The following CCDC171 variants were observed in gnomAD, a reference collection of about 807,000 sequenced individuals.
CCDC171 encodes coiled-coil domain containing 171, also known as coiled-coil domain-containing protein 171.
In CCDC171, 177 loss-of-function variants were observed where a neutral mutation model predicts 168.2. The ratio of observed to expected loss-of-function variants is 1.05; its 90% CI spans 0.93 to 1.19. CCDC171 has a LOEUF of 1.19. Ranked by LOEUF, CCDC171 falls within the 50% of genes most tolerant of loss-of-function variation. CCDC171 has a pLI of 0.00. For missense variants in CCDC171, 1,991 were observed against 1,539.0 expected (o/e 1.29, Z -4.91); for synonymous variants, 687 against 540.8 (o/e 1.27, Z -3.75).
chr9:15,926,384 T>C (rs748354996), intron 25 of CCDC171, among the ~76,000 whole-genome samples: 1 of 151,690 alleles, frequency 6.6e-6, no homozygotes, highest in African/African-American at 2.4e-5. Flanking sequence ...CTGCTTGCAA[T>C]AGTCATTCCA....
At chr9:15,598,932 T>A (rs1052410897) in intron 6 of CCDC171, among the ~76,000 whole-genome samples, 1 of 152,182 alleles carries the variant, frequency 6.6e-6, no homozygotes, top group Non-Finnish European at 1.5e-5. Flanking sequence ...TTGATCTTTG[T>A]TGGCTTAAAG....
rs548066259 is a variant in CCDC171 at position 15,639,641 on chromosome 9, TC to T, written c.822+16231del. On this transcript the variant is annotated intron_variant, in intron 7 of 25. Transcript: ENST00000380701. The stretch of plus-strand genomic sequence containing the variant: ...ATTGTCAGCCTATTGTCCTCATATA[TC>T]CCTTCTGAAACCGTTAAGGCTCTGT... Among the ~76,000 whole-genome samples the T allele has an allele frequency of 4.6e-5, 7 of 152,148 alleles. No homozygotes were observed. The South Asian group carries it at 1.4e-3, about 32-fold the overall frequency.
At chr9:16,021,948 G>A (rs1220050986) in intron 4 of CCDC171, among the ~76,000 whole-genome samples, 1 of 152,172 alleles carries the variant, frequency 6.6e-6, no homozygotes, top group Admixed American at 6.5e-5. Context: ...CCACTGTAAC[G>A]CAGGGGTTGT....
chr9:16,068,970 C>T, the CCDC171 span, among the ~76,000 whole-genome samples: 1 of 152,164 alleles, frequency 6.6e-6, no homozygotes, highest in Non-Finnish European at 1.5e-5. Context: ...TAACACCCTA[C>T]AGCCTGATTC....
At chr9:15,768,976 C>G (rs2056874020) in intron 18 of CCDC171, among the ~76,000 whole-genome samples, 1 of 152,202 alleles carries the variant, frequency 6.6e-6, no homozygotes, top group Admixed American at 6.5e-5. Flanking sequence ...TGTACAGTCT[C>G]ACCTCCCAAT....
chr9:15,645,992 A>C (rs1325452568), intron 7 of CCDC171, among the ~76,000 whole-genome samples: 1 of 152,216 alleles, frequency 6.6e-6, no homozygotes, highest in Non-Finnish European at 1.5e-5. Flanking sequence ...AAGGGCAACC[A>C]GAGAGAAAGG....
chr9:15,597,790 T>C (rs2042492483), intron 6 of CCDC171, among the ~76,000 whole-genome samples: 1 of 152,170 alleles, frequency 6.6e-6, no homozygotes, highest in Non-Finnish European at 1.5e-5. Flanking sequence ...TTTTTTTGGT[T>C]GGTAAGCTAT....
intron 14 of CCDC171, among the ~76,000 whole-genome samples, chr9:15,726,241 A>AGCAT (rs1379386968): frequency 6.6e-6 from 1 of 152,222 alleles, no homozygotes; most frequent in African/African-American, 2.4e-5. Context: ...TTGTAAAGTC[A>AGCAT]GCATGTCTAC....
rs1467204121 is a variant in CCDC171 at position 16,031,746 on chromosome 9, T to A, written n.999-3711T>A. Among the ~76,000 whole-genome samples the A allele has an allele frequency of 3.9e-5, 6 of 152,140 alleles. No individual in the cohort carries two copies. In the East Asian group the frequency reaches 1.2e-3, roughly 29 times the overall value. On this transcript the variant is annotated intron_variant and non_coding_transcript_variant, in intron 6 of 9. Coordinates refer to the CCDC171 transcript ENST00000486641. ...CCACTTCCTGAGGGGTCGATAGGAT[T>A]CCCTGGCTGCCAAACAGGGCCATTT... is the stretch of plus-strand genomic sequence containing the variant.
At chr9:15,778,082 G>C (rs1226864694) in intron 19 of CCDC171, among the ~76,000 whole-genome samples, 1 of 150,562 alleles carries the variant, frequency 6.6e-6, no homozygotes, top group African/African-American at 2.4e-5. Context: ...TGGATCATGA[G>C]GTCAGGAGAT....
intron 21 of CCDC171, among the ~76,000 whole-genome samples, chr9:15,835,587 C>A (rs1342005983): frequency 1.3e-5 from 2 of 152,100 alleles, no homozygotes; most frequent in Non-Finnish European, 2.9e-5. Context: ...GCTACCACAC[C>A]TGGCTAATTT....
At chr9:16,052,605 C>G (rs1833768100) in intron 1 of CCDC171, among the ~76,000 whole-genome samples, 1 of 152,152 alleles carries the variant, frequency 6.6e-6, no homozygotes, top group African/African-American at 2.4e-5. Context: ...AAACCTCCTT[C>G]CTGGTGTTAA....
intron 21 of CCDC171, among the ~76,000 whole-genome samples, chr9:15,825,128 A>G (rs551992173): frequency 1.3e-5 from 2 of 152,282 alleles, no homozygotes; most frequent in South Asian, 2.1e-4. Context: ...ACTGAATTTC[A>G]GATGAGAATA....
intron 3 of CCDC171, among the ~76,000 whole-genome samples, chr9:15,994,163 AT>A (rs1832295442): frequency 6.6e-6 from 1 of 152,208 alleles, no homozygotes; most frequent in South Asian, 2.1e-4. Flanking sequence ...TATAATCGCA[AT>A]AGCAAAGACT....
At chr9:16,080,061 T>A in the CCDC171 span, among the ~76,000 whole-genome samples, 1 of 152,136 alleles carries the variant, frequency 6.6e-6, no homozygotes, top group African/African-American at 2.4e-5. Context: ...TGAAATCTGC[T>A]GCCTTGGAAT....
rs182979556 is a variant in CCDC171 at position 15,805,805 on chromosome 9, T to C, written c.3267+21111T>C. On this transcript the variant is annotated intron_variant, in intron 21 of 25. Coordinates refer to ENST00000380701, the MANE Select transcript of CCDC171 (RefSeq NM_173550.4). ...AAGTTCAGGTCCTGAATATCCTTGT[T>C]AATTTTCTGTCTGATAATCTGTCTA... Among the ~76,000 whole-genome samples the C allele has an allele frequency of 7.5e-4, 114 of 152,268 alleles. 1 individual carries two copies. The highest frequency in any genetic ancestry group is 2.7e-3 in the African/African-American group (112 of 41,566).
At chr9:15,699,469 A>T (rs555955768) in intron 11 of CCDC171, among the ~76,000 whole-genome samples, 1 of 152,088 alleles carries the variant, frequency 6.6e-6, no homozygotes, top group Non-Finnish European at 1.5e-5. Flanking sequence ...TTATTCTCTT[A>T]TCCGGCCCCA....
chr9:15,930,739 C>T (rs1158048731), intron 25 of CCDC171, among the ~76,000 whole-genome samples: 3 of 151,676 alleles, frequency 2.0e-5, no homozygotes, highest in African/African-American at 7.2e-5. Flanking sequence ...AGTCTTCCCT[C>T]ACACTATATA....
chr9:15,910,498 G>T (rs920025414), intron 24 of CCDC171, among the ~76,000 whole-genome samples: 1 of 151,948 alleles, frequency 6.6e-6, no homozygotes, highest in Non-Finnish European at 1.5e-5. Context: ...GTTAGGTTAT[G>T]TGATGTCTCT....
Sources: allele counts gnomAD v4.1 joint callset (sites outside exome capture counted in the v4.1 genomes callset), GRCh38; gene constraint gnomAD v4.1.1; transcripts MANE v1.5; gene names NCBI Gene and HGNC (gene_info 2026-07-23, HGNC 2026-07-21).